PCDHA5: variants seen among roughly 807,000 people sequenced by gnomAD.
PCDHA5 encodes protocadherin alpha 5.
In PCDHA5, 43 loss-of-function variants were observed where a neutral mutation model predicts 61.6. The observed-to-expected ratio is 0.70, with a 90% confidence interval of 0.55 to 0.90. PCDHA5 has a LOEUF of 0.90. PCDHA5 is among the 40% of genes least tolerant of loss of function. The probability of loss-of-function intolerance (pLI) is 0.00; values close to 1 mark genes in which losing one functional copy is unlikely to be tolerated. For missense variants in PCDHA5, 1,298 were observed against 1,222.7 expected (o/e 1.06, Z -0.92); for synonymous variants, 627 against 543.9 (o/e 1.15, Z -2.13).
chr5:140,877,144 G>C, intron 1 of PCDHA5: 2 of 1,613,772 alleles, frequency 1.2e-6, no homozygotes, highest in South Asian at 1.1e-5. Context: ...CGTGCTGGAC[G>C]AGAACGACAA....
intron 1 of PCDHA5, among the ~76,000 whole-genome samples, chr5:140,923,261 A>C (rs570487869): frequency 6.6e-6 from 1 of 152,322 alleles, no homozygotes; most frequent in East Asian, 1.9e-4. Flanking sequence ...CAACATAGTG[A>C]GACCTTGTCT....
In PCDHA5 at chr5:140,870,537, G is replaced by A. The variant is rs575452776; in HGVS notation, c.2352+46410G>A. On this transcript the variant is annotated intron_variant, in intron 1 of 3. Transcript: ENST00000529859. ...GCTGCCACATCTTCACAGTGTCGGC[G>A]CGGGACGCGGACGCGCAGGAGAACG... 9.3e-6 allele frequency: 15 copies of A among 1,614,172 alleles called. No homozygotes were observed. In the African/African-American group the frequency reaches 1.7e-4, roughly 19 times the overall value.
intron 1 of PCDHA5, chr5:140,843,183 C>G (rs1778646285): frequency 1.9e-6 from 3 of 1,595,908 alleles, no homozygotes; most frequent in Non-Finnish European, 2.6e-6. Flanking sequence ...CCTCGCATCC[C>G]GTTCCGCGTG....
At chr5:140,880,840 GT>G (rs1554171522) in intron 1 of PCDHA5, among the ~76,000 whole-genome samples, 2 of 152,176 alleles carry the variant, frequency 1.3e-5, no homozygotes, top group Admixed American at 6.5e-5. Flanking sequence ...ATTTTAAATG[GT>G]TGACTATGTA....
intron 1 of PCDHA5, chr5:140,862,641 A>C (rs529897830): frequency 1.7e-5 from 9 of 540,658 alleles, no homozygotes; most frequent in Admixed American, 9.7e-5. Context: ...ACGACTTCAC[A>C]GTGTCCGCGC....
chr5:140,848,894 C>G (rs1562450529), intron 1 of PCDHA5: 3 of 1,604,178 alleles, frequency 1.9e-6, no homozygotes, highest in Non-Finnish European at 2.6e-6. Context: ...CTCCAGTGTT[C>G]CCAGCGACAC....
At chr5:140,909,632 A>G (rs781948813) in intron 1 of PCDHA5, among the ~76,000 whole-genome samples, 3 of 152,038 alleles carry the variant, frequency 2.0e-5, no homozygotes, top group South Asian at 2.1e-4. Flanking sequence ...TGGTCTTCCT[A>G]TTTTGTCTTT....
intron 1 of PCDHA5, among the ~76,000 whole-genome samples, chr5:140,910,005 G>T (rs1554194067): frequency 1.3e-5 from 2 of 152,212 alleles, no homozygotes; most frequent in African/African-American, 4.8e-5. Flanking sequence ...ATTGTTGTCA[G>T]TGTCATCCTT....
At chr5:140,870,643 G>T (rs782549928) in intron 1 of PCDHA5, 6 of 1,612,796 alleles carry the variant, frequency 3.7e-6, no homozygotes, top group Non-Finnish European at 5.1e-6. Flanking sequence ...CGCGGAGAGC[G>T]GCAAGGTGTA....
intron 1 of PCDHA5, chr5:140,876,785 C>T (rs1554168921): frequency 3.1e-6 from 5 of 1,614,206 alleles, no homozygotes; most frequent in Admixed American, 1.7e-5. Flanking sequence ...CTGTGGGCCA[C>T]GGCTAGAGTG....
intron 1 of PCDHA5, chr5:140,828,812 A>C: frequency 6.2e-7 from 1 of 1,614,228 alleles, no homozygotes; most frequent in Non-Finnish European, 8.5e-7. Flanking sequence ...TAATGCTCCC[A>C]CTTTCGAACA....
At chr5:140,960,785 A>C (rs1452809407) in intron 1 of PCDHA5, among the ~76,000 whole-genome samples, 2 of 152,200 alleles carry the variant, frequency 1.3e-5, no homozygotes, top group Admixed American at 1.3e-4. Context: ...AGGGCCAAAC[A>C]AGGTTTCTAT....
intron 1 of PCDHA5, among the ~76,000 whole-genome samples, chr5:140,890,820 G>T (rs945332484): frequency 1.3e-5 from 2 of 152,080 alleles, no homozygotes; most frequent in East Asian, 3.9e-4. Flanking sequence ...TGTTTTAAAT[G>T]TACTTACATA....
At position 140,928,478 on chromosome 5, in the gene PCDHA5, A is replaced by T. The variant is rs1554205922; in HGVS notation, c.2353-50471A>T. Reference sequence around the variant, plus strand: ...TTTCATTTCCAAGTAGAAGGCCGGGATGGTGGCATTCCTCCCAGAAGTGCA... The same window carrying T: ...TTTCATTTCCAAGTAGAAGGCCGGGTTGGTGGCATTCCTCCCAGAAGTGCA... On this transcript the variant is annotated intron_variant, in intron 1 of 3. Coordinates refer to ENST00000529859, the MANE Select transcript of PCDHA5 (RefSeq NM_018908.3). 2.5e-5 allele frequency: 40 copies of T among 1,614,132 alleles called. No individual in the cohort carries two copies. The highest frequency in any genetic ancestry group is 3.3e-5 in the Non-Finnish European group (39 of 1,180,008).
intron 1 of PCDHA5, among the ~76,000 whole-genome samples, chr5:140,906,628 G>A (rs976764797): frequency 2.0e-5 from 3 of 152,180 alleles, no homozygotes; most frequent in African/African-American, 7.2e-5. Context: ...CCTTCAGCAA[G>A]CACCTCAGCA....
intron 1 of PCDHA5, chr5:140,842,938 C>A: frequency 1.3e-6 from 2 of 1,594,552 alleles, no homozygotes; most frequent in East Asian, 2.2e-5. Context: ...GCGCGCGCGA[C>A]GCGGGCGTGC....
At chr5:140,941,508 G>A (rs1296025812) in intron 1 of PCDHA5, among the ~76,000 whole-genome samples, 1 of 151,286 alleles carries the variant, frequency 6.6e-6, no homozygotes, top group African/African-American at 2.4e-5. Flanking sequence ...GTAGAGACGA[G>A]GTTTCACCAT....
chr5:141,009,634 G>A lies in PCDHA5; in HGVS notation c.2508G>A (p.Glu836=). The change falls in exon 4 of 4, where the codon GAG becomes GAA. Residue 836 remains glutamate (E), a synonymous_variant. Transcript: ENST00000529859. Reference sequence around the variant, plus strand: ...TAATGTTTTGTCTTTCAGAACCAGAGGCAGGAGAAGTGTCCCCTCCAGTCG... The same window carrying A: ...TAATGTTTTGTCTTTCAGAACCAGAAGCAGGAGAAGTGTCCCCTCCAGTCG... The part of the protein sequence containing the change: ...PTVSSATPEP[E]AGEVSPPVGA... The A allele has an allele frequency of 6.2e-7, 1 of 1,613,116 alleles. No individual in the cohort carries two copies. The highest frequency in any genetic ancestry group is 8.5e-7 in the Non-Finnish European group (1 of 1,179,406).
chr5:140,965,374 G>A (rs1554227648), intron 1 of PCDHA5, among the ~76,000 whole-genome samples: 1 of 152,098 alleles, frequency 6.6e-6, no homozygotes, highest in Admixed American at 6.6e-5. Flanking sequence ...AGGAAACTTG[G>A]GGACACAGAA....
Sources: allele counts gnomAD v4.1 joint callset (sites outside exome capture counted in the v4.1 genomes callset), GRCh38; gene constraint gnomAD v4.1.1; transcripts MANE v1.5; gene names NCBI Gene and HGNC (gene_info 2026-07-23, HGNC 2026-07-21).